The following KDM4C variants were observed in gnomAD, a reference collection of about 807,000 sequenced individuals.
KDM4C encodes lysine demethylase 4C.
Under a neutral mutation model 129.3 loss-of-function variants are expected in KDM4C, and 81 were observed. The observed-to-expected ratio is 0.63, with a 90% CI of 0.52 to 0.75. The LOEUF (loss-of-function observed/expected upper bound fraction) is 0.75, where lower values mean the gene tolerates loss of function less well. KDM4C is among the 30% of genes least tolerant of loss of function. The pLI, the probability that KDM4C is intolerant of heterozygous loss-of-function variation, is 0.00. For synonymous variants in KDM4C, 573 were observed against 456.1 expected (o/e 1.26, Z -3.26); for missense variants, 1,457 against 1,304.0 (o/e 1.12, Z -1.81).
chr9:7,118,372 C>T (rs1223701578), intron 18 of KDM4C, among the ~76,000 whole-genome samples: 1 of 152,114 alleles, frequency 6.6e-6, no homozygotes, highest in Non-Finnish European at 1.5e-5. Flanking sequence ...CTTCATGAAG[C>T]CCCAGGGATT....
chr9:6,730,354 G>A (rs147121766), intron 1 of KDM4C, among the ~76,000 whole-genome samples: 3,618 of 151,836 alleles, frequency 0.024, 144 homozygotes, highest in African/African-American at 0.083. Flanking sequence ...GGTGGCTCAC[G>A]CCTGTAATTC....
chr9:6,783,406 G>T (rs956696657), intron 1 of KDM4C, among the ~76,000 whole-genome samples: 1 of 152,148 alleles, frequency 6.6e-6, no homozygotes, highest in African/African-American at 2.4e-5. Context: ...TCTCTATACA[G>T]CTTTATACTC....
chr9:6,867,535 T>C (rs1325431227), intron 5 of KDM4C, among the ~76,000 whole-genome samples: 1 of 152,252 alleles, frequency 6.6e-6, no homozygotes, highest in African/African-American at 2.4e-5. Context: ...GACAGCTTTA[T>C]ATGGGCATGT....
At chr9:6,938,687 T>G (rs1348703285) in intron 8 of KDM4C, among the ~76,000 whole-genome samples, 1 of 152,168 alleles carries the variant, frequency 6.6e-6, no homozygotes. Flanking sequence ...AAGAGTTGTG[T>G]GTGGCTTAGT....
chr9:6,894,261 G>A (rs1588973821), intron 8 of KDM4C, among the ~76,000 whole-genome samples: 3 of 152,166 alleles, frequency 2.0e-5, no homozygotes, highest in South Asian at 4.1e-4. Context: ...GGAGTCATTC[G>A]AATACATTCT....
At chr9:7,004,006 G>T (rs1262584805) in intron 12 of KDM4C, among the ~76,000 whole-genome samples, 1 of 152,118 alleles carries the variant, frequency 6.6e-6, no homozygotes, top group Non-Finnish European at 1.5e-5. Context: ...AACAGATGCT[G>T]CTGTGCTTTT....
At chr9:6,973,321 G>GC (rs1452248221) in intron 8 of KDM4C, among the ~76,000 whole-genome samples, 1 of 152,148 alleles carries the variant, frequency 6.6e-6, no homozygotes, top group African/African-American at 2.4e-5. Flanking sequence ...AGGATTACAG[G>GC]CGTGAGCCCC....
chr9:7,058,860 CTT>C (rs59489339), intron 17 of KDM4C, among the ~76,000 whole-genome samples: 7 of 149,686 alleles, frequency 4.7e-5, no homozygotes, highest in East Asian at 2.0e-4. Context: ...TTCATGCAAC[CTT>C]TTTTTTTTTC....
intron 1 of KDM4C, among the ~76,000 whole-genome samples, chr9:6,729,198 C>T (rs71505828): frequency 0.16 from 8,124 of 49,402 alleles, 829 homozygotes; most frequent in Middle Eastern, 0.22. Context: ...AGCAAAGCTC[C>T]GTCTCCAAAA....
chr9:6,978,563 C>G (rs59321241), intron 8 of KDM4C: 1 of 152,210 alleles, frequency 6.6e-6, no homozygotes, highest in African/African-American at 2.4e-5. Context: ...CTCAGTCGTT[C>G]TGCATCTGTG....
rs527776913 is a variant in KDM4C at position 7,040,369 on chromosome 9, CTGTGTGTG to C, written c.2260-6464_2260-6457del. Among the ~76,000 whole-genome samples, 479 of 100,382 alleles carry C rather than the reference CTGTGTGTG, an allele frequency of 4.8e-3. 3 individuals carry two copies. The highest frequency in any genetic ancestry group is 0.013 in the African/African-American group (400 of 30,784). The allele number at this position is 100,382 out of a possible 152,430, so 65.9% of individuals were successfully genotyped here. A position where few individuals can be genotyped will look rare whatever the true frequency, so the allele number is the denominator to read the frequency against. On this transcript the variant is annotated intron_variant, in intron 15 of 21. Coordinates refer to ENST00000381309, the MANE Select transcript of KDM4C (RefSeq NM_015061.6). ...TCTTTCCCTCTCTCTCTACCCCACT[CTGTGTGTG>C]TGTGTGTGTGTGTGTGTGTGTGTGT...
intron 5 of KDM4C, among the ~76,000 whole-genome samples, chr9:6,865,896 G>A (rs996223386): frequency 6.6e-6 from 1 of 151,646 alleles, no homozygotes; most frequent in Non-Finnish European, 1.5e-5. Context: ...GACTACAGGC[G>A]CCCGCCACCA....
intron 8 of KDM4C, among the ~76,000 whole-genome samples, chr9:6,912,000 C>G (rs1161996729): frequency 6.6e-6 from 1 of 152,126 alleles, no homozygotes; most frequent in Non-Finnish European, 1.5e-5. Context: ...AGGTGGAAAC[C>G]CAGTGCCAAA....
At chr9:6,836,502 T>G (rs1037081141) in intron 4 of KDM4C, among the ~76,000 whole-genome samples, 4 of 152,216 alleles carry the variant, frequency 2.6e-5, no homozygotes, top group Non-Finnish European at 5.9e-5. Context: ...AACTACAACA[T>G]TAACAGCACT....
chr9:6,847,872 C>T (rs1289539365), intron 4 of KDM4C, among the ~76,000 whole-genome samples: 8 of 151,934 alleles, frequency 5.3e-5, no homozygotes, highest in Admixed American at 5.2e-4. Flanking sequence ...GTTTTTTAAC[C>T]CCAAAGCTTT....
rs112486888 is a variant in KDM4C, at chr9:6,815,067, C to T, written c.435+322C>T. The T allele has an allele frequency of 1.9e-3, 340 of 178,480 alleles. 2 individuals carry two copies. Among genetic ancestry groups the T allele is most frequent in the African/African-American group, 7.5e-3 (321 of 42,532 alleles). 11.1% of individuals were successfully genotyped at this position (178,480 alleles called of 1,614,324 possible). A position where few individuals can be genotyped will look rare whatever the true frequency, so the allele number is the denominator to read the frequency against. ...AAAACAGGAAATATGATGCATCATA[C>T]TGACACCTTAAAGCAGAAGCAGTAT... On this transcript the variant is annotated intron_variant, in intron 4 of 21. Transcript: ENST00000381309.
chr9:6,836,117 A>G (rs1370332444), intron 4 of KDM4C, among the ~76,000 whole-genome samples: 2 of 152,100 alleles, frequency 1.3e-5, no homozygotes, highest in East Asian at 3.9e-4. Context: ...GCCAGGGCTT[A>G]CCTGTACACT....
chr9:7,125,699 A>G (rs1839962785), intron 18 of KDM4C, among the ~76,000 whole-genome samples: 1 of 152,224 alleles, frequency 6.6e-6, no homozygotes, highest in Non-Finnish European at 1.5e-5. Context: ...TGTTCTAAAT[A>G]TCCATGCAAG....
rs117102348 is a variant in KDM4C, at chr9:6,895,470, C to T, written c.921+2238C>T. On this transcript the variant is annotated intron_variant, in intron 8 of 21. Coordinates refer to ENST00000381309, the MANE Select transcript of KDM4C (RefSeq NM_015061.6). The stretch of plus-strand genomic sequence containing the variant: ...TTCCTGCATTTCAGAGCAGGCAATC[C>T]GCAAAATCCCACGTGTCATGCAAGA... Among the ~76,000 whole-genome samples, 79 of 152,230 alleles carry T rather than the reference C, an allele frequency of 5.2e-4. No homozygotes were observed. In the East Asian group the frequency reaches 0.011, roughly 22 times the overall value.
Sources: gnomAD v4.1 joint callset for allele counts (sites outside exome capture counted in the v4.1 genomes callset) on GRCh38, gnomAD v4.1.1 for gene constraint, MANE v1.5 for transcripts, NCBI Gene and HGNC (gene_info 2026-07-23, HGNC 2026-07-21) for gene names.